Variants in C1orf141 observed in about 807,000 individuals in gnomAD.
C1orf141 encodes chromosome 1 open reading frame 141.
Under a neutral mutation model 23.2 loss-of-function variants are expected in C1orf141, and 19 were observed. That is an observed-to-expected ratio of 0.82 (90% CI 0.57 to 1.20). C1orf141 has a LOEUF of 1.20. Among genes scored for constraint, C1orf141 ranks in the 50% most tolerant of loss-of-function variants. The pLI is 0.00. For synonymous variants in C1orf141, 153 were observed against 154.6 expected (o/e 0.99, Z 0.08); for missense variants, 469 against 455.1 (o/e 1.03, Z -0.28).
At chr1:67,096,861 T>C (rs2102416534) in intron 5 of C1orf141, among the ~76,000 whole-genome samples, 1 of 152,322 alleles carries the variant, frequency 6.6e-6, no homozygotes, top group Admixed American at 6.5e-5. Context: ...GTCTTTCCCA[T>C]ATAATGGCAA....
chr1:67,137,324 G>A (rs1406431303), upstream of C1orf141, among the ~76,000 whole-genome samples: 2 of 152,136 alleles, frequency 1.3e-5, no homozygotes, highest in Admixed American at 6.6e-5. Flanking sequence ...AGTCAGTCCC[G>A]AAATAACAAA....
chr1:67,126,029 G>A (rs774024508), intron 3 of C1orf141, 120 bp from the exon 4 acceptor site: 1 of 1,113,518 alleles, frequency 9.0e-7, no homozygotes, highest in Non-Finnish European at 1.2e-6. Flanking sequence ...GAATTTAGGT[G>A]GCAGGCAATA....
chr1:67,138,482 C>A (rs1394010358), upstream of C1orf141, among the ~76,000 whole-genome samples: 1 of 152,168 alleles, frequency 6.6e-6, no homozygotes, highest in Non-Finnish European at 1.5e-5. Flanking sequence ...ACTTTTCTTC[C>A]TCTGCCTGCT....
At chr1:67,097,978 C>T (rs1645719903) in intron 5 of C1orf141, among the ~76,000 whole-genome samples, 1 of 152,144 alleles carries the variant, frequency 6.6e-6, no homozygotes, top group South Asian at 2.1e-4. Flanking sequence ...AAAAATCACT[C>T]CTTTCCATTG....
intron 5 of C1orf141, chr1:67,103,527 G>C: frequency 2.1e-6 from 1 of 481,976 alleles, no homozygotes; most frequent in East Asian, 3.4e-5. Flanking sequence ...ATTTTAAAAT[G>C]TGATTTATTT....
At chr1:67,124,330 TG>T (rs1224395847) in intron 4 of C1orf141, among the ~76,000 whole-genome samples, 3 of 152,220 alleles carry the variant, frequency 2.0e-5, no homozygotes, top group African/African-American at 7.2e-5. Flanking sequence ...GTTTGTTTTT[TG>T]AGATGGAGTC....
In C1orf141 at chr1:67,092,769, G is replaced by A. The variant is rs1204410462; in HGVS notation, c.*236C>T. The stretch of plus-strand genomic sequence containing the variant: ...ATTGAGCAATCTAATTGAGATAATA[G>A]AAAGTCATGAACTAGATCCTCTTGG... On this transcript the variant is annotated 3_prime_UTR_variant, in exon 8 of 8. Coordinates refer to ENST00000684719, the MANE Select transcript of C1orf141 (RefSeq NM_001276351.2). The A allele has an allele frequency of 3.2e-6, 1 of 313,104 alleles. No individual in the cohort carries two copies. The highest frequency in any genetic ancestry group is 5.9e-6 in the Non-Finnish European group (1 of 169,544). The allele number at this position is 313,104 out of a possible 1,614,324, so 19.4% of individuals were successfully genotyped here. A position where few individuals can be genotyped will look rare whatever the true frequency, so the allele number is the denominator to read the frequency against.
intron 5 of C1orf141, chr1:67,111,553 A>C: frequency 2.1e-6 from 2 of 951,904 alleles, no homozygotes; most frequent in Non-Finnish European, 2.9e-6. Flanking sequence ...TTAAGTAATT[A>C]CTGAGTATAC....
chr1:67,107,362 T>C (rs1029907511), intron 5 of C1orf141, among the ~76,000 whole-genome samples: 1 of 152,024 alleles, frequency 6.6e-6, no homozygotes, highest in African/African-American at 2.4e-5. Context: ...CAAAAAAGAA[T>C]AAAATGATAG....
At position 67,099,482 on chromosome 1, in the gene C1orf141, A is replaced by G. The variant is rs575358026; in HGVS notation, c.347-3161T>C. On this transcript the variant is annotated intron_variant, in intron 5 of 7. Transcript: ENST00000684719. ...AACACATGCTCTTCAGGAAAAATGT[A>G]ATAGAACACAGATGGGGCTGAGTGT... is the stretch of plus-strand genomic sequence containing the variant. Among the ~76,000 whole-genome samples the G allele has an allele frequency of 3.3e-5, 5 of 152,324 alleles. No individual in the cohort carries two copies. In the South Asian group the frequency reaches 1.0e-3, roughly 32 times the overall value.
chr1:67,092,206 T>C lies in C1orf141; in HGVS notation c.*799A>G, dbSNP rs1645573371. On this transcript the variant is annotated 3_prime_UTR_variant, in exon 8 of 8. Transcript: ENST00000684719. ...TGGAATTTATTACTTCCAAGATTAT[T>C]TTTATGTGAAATACATTTCTGAATT... 6.6e-6 allele frequency: 1 copy of C among 152,342 alleles called. No individual in the cohort carries two copies. Among genetic ancestry groups the C allele is most frequent in the African/African-American group, 2.4e-5 (1 of 41,464 alleles). 9.4% of individuals were successfully genotyped at this position (152,342 alleles called of 1,614,324 possible).
intron 5 of C1orf141, among the ~76,000 whole-genome samples, chr1:67,104,754 C>T (rs572391249): frequency 9.2e-5 from 14 of 152,188 alleles, no homozygotes; most frequent in African/African-American, 3.1e-4. Context: ...AATAAAGAAG[C>T]TTACAAGCTA....
chr1:67,096,217 CA>C, intron 6 of C1orf141, 34 bp downstream of exon 6: 1 of 1,005,870 alleles, frequency 9.9e-7, no homozygotes, highest in Non-Finnish European at 1.5e-6. Context: ...CATCATTAAA[CA>C]GAACAAAGTA....
intron 1 of C1orf141, among the ~76,000 whole-genome samples, 151 bp downstream of exon 1, chr1:67,134,779 C>A (rs929734698): frequency 1.3e-5 from 2 of 152,252 alleles, no homozygotes; most frequent in African/African-American, 2.4e-5. Context: ...CAACCACACT[C>A]TCCCGGTCCA....
intron 1 of C1orf141, among the ~76,000 whole-genome samples, chr1:67,134,617 A>G (rs886976166): frequency 6.6e-6 from 1 of 152,160 alleles, no homozygotes; most frequent in Non-Finnish European, 1.5e-5. Context: ...CAAACGCTCT[A>G]TGCCTATGGT....
upstream of C1orf141, among the ~76,000 whole-genome samples, chr1:67,137,871 C>A (rs895819349): frequency 1.3e-5 from 2 of 152,308 alleles, no homozygotes; most frequent in South Asian, 4.2e-4. Flanking sequence ...TGGTGAAAAG[C>A]CTGTGATTCT....
chr1:67,103,445 ATAAT>A (rs148512971), intron 5 of C1orf141: 56,076 of 982,546 alleles, frequency 0.057, 2,633 homozygotes, highest in African/African-American at 0.21. Flanking sequence ...ATATTAATAA[ATAAT>A]TTATGCTTGA....
upstream of C1orf141, among the ~76,000 whole-genome samples, chr1:67,137,007 G>A (rs1030556902): frequency 2.6e-5 from 4 of 152,080 alleles, no homozygotes; most frequent in Non-Finnish European, 5.9e-5. Context: ...TATTTTAAAA[G>A]TATACAGATT....
upstream of C1orf141, chr1:67,139,050 C>G (rs1233660482): frequency 6.6e-6 from 1 of 152,300 alleles, no homozygotes; most frequent in Non-Finnish European, 1.5e-5. Context: ...AGAGTGGAGT[C>G]AATCCAGGGG....
Sources: gnomAD v4.1 joint callset for allele counts (sites outside exome capture counted in the v4.1 genomes callset) on GRCh38, gnomAD v4.1.1 for gene constraint, MANE v1.5 for transcripts, NCBI Gene and HGNC (gene_info 2026-07-23, HGNC 2026-07-21) for gene names.